Variants in NRXN1 observed in about 807,000 individuals in gnomAD.
NRXN1 encodes neurexin-1.
Under a neutral mutation model 150.9 loss-of-function variants are expected in NRXN1, and 39 were observed. That is an observed-to-expected ratio of 0.26 (90% confidence interval 0.20 to 0.34). NRXN1 has a LOEUF of 0.34. Ranked by LOEUF, NRXN1 falls within the 10% of genes least tolerant of loss-of-function variation. NRXN1 has a pLI of 1.00. For missense variants in NRXN1, 1,815 were observed against 1,949.9 expected (o/e 0.93, Z 1.30); for synonymous variants, 924 against 757.0 (o/e 1.22, Z -3.62).
chr2:50,734,111 T>A (rs1262218586), intron 5 of NRXN1, among the ~76,000 whole-genome samples: 3 of 152,156 alleles, frequency 2.0e-5, no homozygotes, highest in African/African-American at 4.8e-5. Context: ...GCTATTGGCA[T>A]CCAGTGAGTA....
At chr2:50,197,353 T>C (rs1156633775) in intron 18 of NRXN1, among the ~76,000 whole-genome samples, 1 of 152,058 alleles carries the variant, frequency 6.6e-6, no homozygotes, top group African/African-American at 2.4e-5. Flanking sequence ...TCATGAACAT[T>C]TAAATTTGGT....
chr2:50,307,697 G>T (rs2074759562), intron 17 of NRXN1, among the ~76,000 whole-genome samples: 1 of 152,078 alleles, frequency 6.6e-6, no homozygotes, highest in Non-Finnish European at 1.5e-5. Flanking sequence ...CTATTTTCAT[G>T]ACTCCTGACT....
intron 5 of NRXN1, among the ~76,000 whole-genome samples, chr2:50,651,359 TC>T (rs1246724283): frequency 6.6e-6 from 1 of 151,982 alleles, no homozygotes; most frequent in African/African-American, 2.4e-5. Context: ...ACACCTGTAA[TC>T]CCAGCACTTT....
At chr2:50,396,822 A>AT (rs2082081801) in intron 17 of NRXN1, among the ~76,000 whole-genome samples, 1 of 152,106 alleles carries the variant, frequency 6.6e-6, no homozygotes, top group African/African-American at 2.4e-5. Context: ...CCTATCATTA[A>AT]TTTTTTAAAA....
chr2:50,497,369 T>A lies in NRXN1; in HGVS notation c.2843A>T (p.Asp948Val). The change falls in exon 14 of 23, where the codon GAT becomes GTT. Residue 948 changes from aspartate (D) to valine (V), a missense_variant. Transcript: ENST00000401669. The part of the protein sequence containing the change: ...LDGLILYNSG[D>V]GNDFIVVELV... ...TTCAACCACAATAAAGTCATTTCCATCCCCACTGTTATATAGAATTAATCC... is the reference window on the plus strand; with the variant it reads ...TTCAACCACAATAAAGTCATTTCCAACCCCACTGTTATATAGAATTAATCC... 6.4e-7 allele frequency: 1 copy of A among 1,557,094 alleles called. No homozygotes were observed. Among genetic ancestry groups the A allele is most frequent in the South Asian group, 1.2e-5 (1 of 80,808 alleles).
At chr2:51,013,726 C>T (rs1434615551) in intron 2 of NRXN1, among the ~76,000 whole-genome samples, 2 of 152,054 alleles carry the variant, frequency 1.3e-5, no homozygotes, top group Non-Finnish European at 2.9e-5. Context: ...CCCACCACTT[C>T]TGCTGACCTG....
At chr2:50,606,086 C>T (rs1181818863) in intron 8 of NRXN1, among the ~76,000 whole-genome samples, 2 of 151,384 alleles carry the variant, frequency 1.3e-5, no homozygotes, top group Non-Finnish European at 1.5e-5. Context: ...CCATCTCTAC[C>T]AAAAAATACA....
intron 19 of NRXN1, among the ~76,000 whole-genome samples, chr2:50,073,088 A>ATCTTGAATTACAATATCAG (rs1321062638): frequency 6.6e-6 from 1 of 152,210 alleles, no homozygotes; most frequent in Admixed American, 6.5e-5. Flanking sequence ...GAAGAACTTG[A>ATCTTGAATTACAATATCAG]TCTTGAATTA....
rs559397363 is a variant in NRXN1, at chr2:51,009,308, C to T, written c.772+18194G>A. 5 of 151,914 alleles carry T rather than the reference C, an allele frequency of 3.3e-5. No individual in the cohort carries two copies. In the South Asian group the frequency reaches 1.0e-3, roughly 32 times the overall value. 9.4% of individuals were successfully genotyped at this position (151,914 alleles called of 1,614,324 possible). A position where few individuals can be genotyped will look rare whatever the true frequency, so the allele number is the denominator to read the frequency against. On this transcript the variant is annotated intron_variant, in intron 2 of 22. Coordinates refer to ENST00000401669, the MANE Select transcript of NRXN1 (RefSeq NM_001330078.2). ...ATTTTTGAAGAAGGGGTAAAATAAGCATTTTGGGTTAGATATGAAAAATTT... is the reference window on the plus strand; with the variant it reads ...ATTTTTGAAGAAGGGGTAAAATAAGTATTTTGGGTTAGATATGAAAAATTT...
At chr2:50,489,909 A>G (rs925294825) in intron 15 of NRXN1, among the ~76,000 whole-genome samples, 37 of 152,190 alleles carry the variant, frequency 2.4e-4, no homozygotes, top group African/African-American at 7.7e-4. Context: ...GAATGTTTTA[A>G]TCCCACTCTC....
chr2:50,883,552 A>G lies in NRXN1; in HGVS notation c.832+38317T>C, dbSNP rs527793174. 4.6e-5 allele frequency among the ~76,000 whole-genome samples: 7 copies of G among 151,960 alleles called. No individual in the cohort carries two copies. The South Asian group carries it at 1.4e-3, about 31-fold the overall frequency. On this transcript the variant is annotated intron_variant, in intron 5 of 22. Transcript: ENST00000401669. The stretch of plus-strand genomic sequence containing the variant: ...TGTAAAATTTGAATTGCTCAGCAAC[A>G]CTAATACTACACAGAATCAAGTGTA...
rs112934082 is a variant in NRXN1, at chr2:51,027,672, T to C, written c.602A>G (p.Glu201Gly). The C allele has an allele frequency of 5.0e-6, 8 of 1,602,840 alleles. No homozygotes were observed. Among genetic ancestry groups the C allele is most frequent in the Non-Finnish European group, 6.8e-6 (8 of 1,174,756 alleles). Residue 201 changes from glutamate to glycine, a missense_variant, in exon 2 of 23, where the codon GAG (glutamate) becomes GGG (glycine). Coordinates refer to ENST00000401669, the MANE Select transcript of NRXN1 (RefSeq NM_001330078.2). ...SSQVLPVDSGEVKLDDEPPNS... is the reference protein window; with the variant it reads ...SSQVLPVDSGGVKLDDEPPNS... ...GGGCGGCTCATCGTCCAGCTTCACC[T>C]CGCCGCTGTCCACGGGCAGGACCTG...
intron 5 of NRXN1, among the ~76,000 whole-genome samples, chr2:50,896,685 A>G (rs1298661650): frequency 1.3e-5 from 2 of 152,102 alleles, no homozygotes; most frequent in Non-Finnish European, 2.9e-5. Flanking sequence ...TGTCTCTACT[A>G]AAAATACAAA....
chr2:50,731,612 T>G (rs1020501625), intron 5 of NRXN1, among the ~76,000 whole-genome samples: 1 of 152,148 alleles, frequency 6.6e-6, no homozygotes, highest in South Asian at 2.1e-4. Context: ...TGCATTAGCA[T>G]CACCATAAAT....
At chr2:50,186,923 T>C (rs1241258047) in intron 18 of NRXN1, among the ~76,000 whole-genome samples, 1 of 152,112 alleles carries the variant, frequency 6.6e-6, no homozygotes, top group East Asian at 1.9e-4. Context: ...CACAATTGTT[T>C]ATTTTGTCTA....
At chr2:50,298,562 C>T (rs919471703) in intron 17 of NRXN1, among the ~76,000 whole-genome samples, 1 of 151,772 alleles carries the variant, frequency 6.6e-6, no homozygotes, top group Non-Finnish European at 1.5e-5. Context: ...AAATCACCAA[C>T]TTAAAACATC....
intron 8 of NRXN1, among the ~76,000 whole-genome samples, chr2:50,594,491 T>G (rs1320503096): frequency 6.6e-6 from 1 of 152,116 alleles, no homozygotes; most frequent in Non-Finnish European, 1.5e-5. Flanking sequence ...TCCAGATTAT[T>G]AAACATGGAA....
chr2:50,265,670 A>G (rs1310493426), intron 17 of NRXN1, among the ~76,000 whole-genome samples: 1 of 152,162 alleles, frequency 6.6e-6, no homozygotes, highest in African/African-American at 2.4e-5. Context: ...TCAGGTACCA[A>G]TTTACTTTAT....
intron 18 of NRXN1, among the ~76,000 whole-genome samples, chr2:50,142,930 CTGTT>C (rs915949813): frequency 6.6e-6 from 1 of 151,868 alleles, no homozygotes; most frequent in Admixed American, 6.6e-5. Flanking sequence ...GTCAAGCAGA[CTGTT>C]TGCCAGTCTG....
Sources: gnomAD v4.1 joint callset for allele counts (sites outside exome capture counted in the v4.1 genomes callset) on GRCh38, gnomAD v4.1.1 for gene constraint, MANE v1.5 for transcripts, NCBI Gene and HGNC (gene_info 2026-07-23, HGNC 2026-07-21) for gene names.